Variants in CFH observed in about 807,000 individuals in gnomAD.
CFH encodes the protein complement factor H, also known as H factor 1 (complement).
A neutral mutation model predicts 147.3 loss-of-function variants in CFH; 53 were observed. The ratio of observed to expected loss-of-function variants is 0.36; its 90% CI spans 0.29 to 0.45. The LOEUF is 0.45. Ranked by LOEUF, CFH falls within the 20% of genes least tolerant of loss-of-function variation. CFH has a pLI of 1.00. For synonymous variants in CFH, 536 were observed against 489.4 expected (o/e 1.10, Z -1.26); for missense variants, 1,380 against 1,498.0 (o/e 0.92, Z 1.30).
chr1:196,676,324 T>C (rs1667451534), intron 4 of CFH, among the ~76,000 whole-genome samples: 1 of 152,100 alleles, frequency 6.6e-6, no homozygotes, highest in Admixed American at 6.6e-5. Flanking sequence ...TTATTTCCTT[T>C]TGGATTCTAA....
At chr1:196,673,319 C>T in intron 2 of CFH, 156 bp downstream of exon 2, 1 of 724,916 alleles carries the variant, frequency 1.4e-6, no homozygotes, top group Non-Finnish European at 2.2e-6. Context: ...TGGAGTCTGG[C>T]TCTGTCACCT....
At chr1:196,724,337 C>T (rs530026279) in intron 11 of CFH, among the ~76,000 whole-genome samples, 1 of 152,096 alleles carries the variant, frequency 6.6e-6, no homozygotes, top group South Asian at 2.1e-4. Context: ...GCACTGCAGG[C>T]ATGAAACCTA....
rs372064485 is a variant in CFH, at chr1:196,725,317, T to C, written c.1873+20T>C. On this transcript the variant is annotated intron_variant, in intron 12 of 21. Transcript: ENST00000367429. ...GTAAAGGTGAATGCTTATCTTACAA[T>C]TGCTGAAATAAGAATTAGAACTTTG... The C allele has an allele frequency of 4.3e-6, 7 of 1,611,104 alleles. No individual in the cohort carries two copies. The highest frequency in any genetic ancestry group is 5.9e-6 in the Non-Finnish European group (7 of 1,177,632).
intron 9 of CFH, among the ~76,000 whole-genome samples, chr1:196,706,811 C>T (rs185147211): frequency 1.9e-3 from 285 of 152,236 alleles, no homozygotes; most frequent in African/African-American, 6.6e-3. Flanking sequence ...ACCCCCAGTA[C>T]CAAGGATTCA....
At chr1:196,655,961 C>T (rs1558147706) in intron 1 of CFH, among the ~76,000 whole-genome samples, 1 of 152,106 alleles carries the variant, frequency 6.6e-6, no homozygotes, top group South Asian at 2.1e-4. Flanking sequence ...TTTAACTTAG[C>T]CAAGTTTTTC....
chr1:196,728,554 T>C lies in CFH; in HGVS notation c.2413+32T>C, dbSNP rs1365192052. 3 of 1,602,838 alleles carry C rather than the reference T, an allele frequency of 1.9e-6. No homozygotes were observed. In the East Asian group the frequency reaches 6.7e-5, roughly 36 times the overall value. On this transcript the variant is annotated intron_variant, in intron 15 of 21. Transcript: ENST00000367429. ...TCTTATTTTGTTTTCAGAAATGTAT[T>C]CTATTTCTCATTTGGAAAAGTAATA...
chr1:196,655,042 A>C (rs1339530533), intron 1 of CFH, among the ~76,000 whole-genome samples: 1 of 152,196 alleles, frequency 6.6e-6, no homozygotes, highest in African/African-American at 2.4e-5. Context: ...GTTGATATTA[A>C]TATTACTATA....
chr1:196,664,528 A>G (rs1667013881), intron 1 of CFH, among the ~76,000 whole-genome samples: 1 of 152,244 alleles, frequency 6.6e-6, no homozygotes, highest in African/African-American at 2.4e-5. Context: ...AAGGAGTCAT[A>G]GACAATATAT....
chr1:196,716,688 T>A (rs1478347122), intron 11 of CFH, among the ~76,000 whole-genome samples: 20 of 152,070 alleles, frequency 1.3e-4, no homozygotes, highest in Admixed American at 1.3e-3. Flanking sequence ...TGTTACTAAA[T>A]GTTGGGTGTG....
chr1:196,720,381 C>G (rs1051497288), intron 11 of CFH, among the ~76,000 whole-genome samples: 2 of 151,698 alleles, frequency 1.3e-5, no homozygotes, highest in Non-Finnish European at 2.9e-5. Context: ...TATTCATCAC[C>G]CAAATACTGA....
At chr1:196,671,121 T>G (rs994524056) in intron 1 of CFH, among the ~76,000 whole-genome samples, 1 of 152,282 alleles carries the variant, frequency 6.6e-6, no homozygotes, top group East Asian at 1.9e-4. Flanking sequence ...TTTCTGATTT[T>G]TGATCCAATT....
At chr1:196,707,355 A>G (rs1225317922) in intron 9 of CFH, among the ~76,000 whole-genome samples, 1 of 152,190 alleles carries the variant, frequency 6.6e-6, no homozygotes, top group Non-Finnish European at 1.5e-5. Context: ...ACACATAAAT[A>G]AATTAGATAT....
chr1:196,701,288 G>C, intron 9 of CFH: 2 of 1,613,684 alleles, frequency 1.2e-6, no homozygotes, highest in Non-Finnish European at 1.7e-6. Flanking sequence ...CCTAACTCAG[G>C]GTAATCATCT....
intron 11 of CFH, among the ~76,000 whole-genome samples, chr1:196,724,402 T>C (rs1669079218): frequency 6.6e-6 from 1 of 152,062 alleles, no homozygotes; most frequent in East Asian, 1.9e-4. Flanking sequence ...ACTAGTAGTT[T>C]GGTGTAATGC....
intron 7 of CFH, among the ~76,000 whole-genome samples, chr1:196,687,893 A>G (rs1667881646): frequency 6.6e-6 from 1 of 152,088 alleles, no homozygotes; most frequent in African/African-American, 2.4e-5. Context: ...CCAAGAAACT[A>G]TACTGAAAGA....
In CFH at chr1:196,730,839, T is replaced by TTTGTACC. The variant is rs1191541077; in HGVS notation, c.2413+2320_2413+2326dup. 3.3e-5 allele frequency among the ~76,000 whole-genome samples: 5 copies of TTTGTACC among 151,862 alleles called. No homozygotes were observed. The East Asian group carries it at 9.6e-4, about 29-fold the overall frequency. ...CCACTATCATTATATAATAACTTTC[T>TTTGTACC]TTGTACCTTTATACAATTTTTCCCT... is the stretch of plus-strand genomic sequence containing the variant. On this transcript the variant is annotated intron_variant, in intron 15 of 21. Coordinates refer to ENST00000367429, the MANE Select transcript of CFH (RefSeq NM_000186.4).
In CFH at chr1:196,743,536, T is replaced by C; in HGVS notation, c.3218T>C (p.Val1073Ala). The C allele has an allele frequency of 6.2e-7, 1 of 1,614,010 alleles. No homozygotes were observed. The highest frequency in any genetic ancestry group is 8.5e-7 in the Non-Finnish European group (1 of 1,179,936). The change falls in exon 20 of 22, where the codon GTA (valine) becomes GCA (alanine). Residue 1073 changes from valine to alanine, a missense_variant. Val to Ala is a moderately conservative substitution (Grantham distance 64). Around this residue, in one of 4 missense-constraint regions of CFH, gnomAD observed 830 missense variants for 821.4 expected, o/e 1.01. Transcript: ENST00000367429. ...QMSKYPSGERVRYQCRSPYEM... is the reference protein window; with the variant it reads ...QMSKYPSGERARYQCRSPYEM... ...AGTAAATATCCATCTGGTGAGAGAG[T>C]ACGTTATCAATGTAGGAGCCCTTAT...
intron 9 of CFH, among the ~76,000 whole-genome samples, chr1:196,694,689 C>T (rs34848384): frequency 3.9e-4 from 59 of 152,264 alleles, no homozygotes; most frequent in Non-Finnish European, 6.5e-4. Context: ...TTTTAATGAT[C>T]GGCATTCTAA....
chr1:196,691,863 TA>T (rs985879144), intron 9 of CFH, among the ~76,000 whole-genome samples: 26 of 152,078 alleles, frequency 1.7e-4, no homozygotes, highest in Non-Finnish European at 2.8e-4. Flanking sequence ...TAAAAAGTTA[TA>T]AGTTACCTTT....
Sources: gnomAD v4.1 joint callset for allele counts (sites outside exome capture counted in the v4.1 genomes callset) on GRCh38, gnomAD v4.1.1 for gene constraint, gnomAD v4.1.1 regional missense constraint, MANE v1.5 for transcripts, NCBI Gene and HGNC (gene_info 2026-07-23, HGNC 2026-07-21) for gene names.